Variants in NOX4 observed in about 807,000 individuals in gnomAD.
NOX4 encodes the protein NADPH oxidase 4, also known as kidney oxidase-1.
NOX4 carries 69 observed loss-of-function variants against 87.6 expected under a neutral mutation model. The observed-to-expected ratio is 0.79, with a 90% CI of 0.65 to 0.96. The LOEUF (loss-of-function observed/expected upper bound fraction) is 0.96, where lower values mean the gene tolerates loss of function less well. NOX4 is among the 40% of genes least tolerant of loss of function. The probability of loss-of-function intolerance (pLI) is 0.00; values close to 1 mark genes in which losing one functional copy is unlikely to be tolerated. For missense variants in NOX4, 680 were observed against 681.5 expected, an observed-to-expected ratio of 1.00 and a Z score of 0.02; for synonymous variants, 275 against 238.2, an observed-to-expected ratio of 1.15 and a Z score of -1.42.
the NOX4 span, among the ~76,000 whole-genome samples, chr11:89,540,429 AT>A: frequency 6.7e-6 from 1 of 150,014 alleles, no homozygotes; most frequent in Non-Finnish European, 1.5e-5. Flanking sequence ...TTCAAAAGCC[AT>A]TTTTTTTTCA....
chr11:89,404,318 T>C (rs1164753392), intron 8 of NOX4, among the ~76,000 whole-genome samples: 3 of 152,168 alleles, frequency 2.0e-5, no homozygotes, highest in Admixed American at 6.6e-5. Flanking sequence ...TTTATTCTAC[T>C]GGCCAAAAGT....
chr11:89,409,041 C>T (rs573216570), intron 8 of NOX4, among the ~76,000 whole-genome samples: 1 of 152,088 alleles, frequency 6.6e-6, no homozygotes, highest in East Asian at 1.9e-4. Flanking sequence ...AGAAATAGTA[C>T]CTGTTCCTCT....
At chr11:89,554,856 CA>C in the NOX4 span, among the ~76,000 whole-genome samples, 1 of 151,850 alleles carries the variant, frequency 6.6e-6, no homozygotes, top group Non-Finnish European at 1.5e-5. Context: ...ATCAAGTTAT[CA>C]ATTTACTGAA....
upstream of NOX4, among the ~76,000 whole-genome samples, chr11:89,496,245 T>G (rs1412309464): frequency 2.6e-5 from 4 of 152,166 alleles, no homozygotes; most frequent in African/African-American, 9.7e-5. Context: ...GGTTAGCTCC[T>G]TGAGAAATTC....
At chr11:89,538,185 G>A in the NOX4 span, among the ~76,000 whole-genome samples, 4 of 152,122 alleles carry the variant, frequency 2.6e-5, 1 homozygote, top group South Asian at 6.2e-4. Context: ...TCATCTATGT[G>A]CCAAACAACT....
intron 17 of NOX4, among the ~76,000 whole-genome samples, chr11:89,329,551 G>A (rs990370721): frequency 2.0e-5 from 3 of 150,796 alleles, no homozygotes; most frequent in Non-Finnish European, 4.4e-5. Flanking sequence ...CTAGGCAATT[G>A]ATAATAAAAT....
chr11:89,393,855 T>C (rs1941292546), intron 11 of NOX4, among the ~76,000 whole-genome samples: 1 of 152,170 alleles, frequency 6.6e-6, no homozygotes, highest in Non-Finnish European at 1.5e-5. Flanking sequence ...TCTAAAATCC[T>C]TGCCCTTTGT....
At chr11:89,460,378 T>G (rs1945398898) in intron 2 of NOX4, among the ~76,000 whole-genome samples, 1 of 152,086 alleles carries the variant, frequency 6.6e-6, no homozygotes, top group Admixed American at 6.6e-5. Context: ...ACAGGCAACC[T>G]ACGGAATGGG....
chr11:89,389,094 C>T (rs1390153754), intron 11 of NOX4, among the ~76,000 whole-genome samples: 2 of 152,178 alleles, frequency 1.3e-5, no homozygotes, highest in Non-Finnish European at 2.9e-5. Flanking sequence ...ACATAAGGTC[C>T]TATAATTTCC....
At chr11:89,581,962 T>TC in the NOX4 span, among the ~76,000 whole-genome samples, 14 of 152,162 alleles carry the variant, frequency 9.2e-5, no homozygotes, top group African/African-American at 3.4e-4. Context: ...ACAGTAGATA[T>TC]CCAAAACTTA....
intron 11 of NOX4, among the ~76,000 whole-genome samples, chr11:89,380,646 AC>A (rs1258953343): frequency 6.6e-6 from 1 of 152,182 alleles, no homozygotes; most frequent in African/African-American, 2.4e-5. Context: ...TAAAGTTCAT[AC>A]TTATCATGTA....
At chr11:89,480,532 C>T (rs1473940924) in intron 2 of NOX4, among the ~76,000 whole-genome samples, 2 of 152,088 alleles carry the variant, frequency 1.3e-5, no homozygotes, top group Admixed American at 6.6e-5. Flanking sequence ...TTTTATGAGG[C>T]TGTGAAGGAT....
chr11:89,324,512 C>T lies in NOX4; in HGVS notation c.*2244G>A, dbSNP rs1444811763. Reference sequence around the variant, plus strand: ...AAGATGACCTATGTTTAACATTTAACATTTGAACACCTACTGGAACTTAAA... The same window carrying T: ...AAGATGACCTATGTTTAACATTTAATATTTGAACACCTACTGGAACTTAAA... On this transcript the variant is annotated 3_prime_UTR_variant, in exon 18 of 18. Transcript: ENST00000263317. The T allele has an allele frequency of 6.6e-6, 1 of 152,120 alleles. No homozygotes were observed. Among genetic ancestry groups the T allele is most frequent in the Non-Finnish European group, 1.5e-5 (1 of 68,010 alleles). 9.4% of individuals were successfully genotyped at this position (152,120 alleles called of 1,614,324 possible).
At chr11:89,344,340 G>T (rs192819519) in intron 13 of NOX4, among the ~76,000 whole-genome samples, 4 of 152,106 alleles carry the variant, frequency 2.6e-5, no homozygotes, top group Non-Finnish European at 5.9e-5. Flanking sequence ...GCAGGAGGAT[G>T]GCTTAGGGCC....
chr11:89,474,679 A>C (rs1946091928), intron 2 of NOX4, among the ~76,000 whole-genome samples: 2 of 152,048 alleles, frequency 1.3e-5, no homozygotes, highest in African/African-American at 4.8e-5. Flanking sequence ...TGATATATAG[A>C]CATAAACATA....
chr11:89,437,149 T>C (rs183608448), intron 6 of NOX4, among the ~76,000 whole-genome samples: 1 of 151,728 alleles, frequency 6.6e-6, no homozygotes. Context: ...GATCATGAGG[T>C]CAAGAGTTCA....
chr11:89,540,759 G>C, the NOX4 span, among the ~76,000 whole-genome samples: 1 of 124,200 alleles, frequency 8.1e-6, no homozygotes, highest in Non-Finnish European at 1.6e-5. Context: ...CTGCACTCCA[G>C]CCTGGGCGAC....
chr11:89,530,234 A>C, the NOX4 span, among the ~76,000 whole-genome samples: 1 of 150,110 alleles, frequency 6.7e-6, no homozygotes, highest in East Asian at 1.9e-4. Flanking sequence ...AACATACTAG[A>C]TGTCTTCAGA....
chr11:89,517,315 T>C, the NOX4 span, among the ~76,000 whole-genome samples: 1 of 152,194 alleles, frequency 6.6e-6, no homozygotes, highest in East Asian at 1.9e-4. Flanking sequence ...AGTTTTTAAG[T>C]TCATCAAGTT....
Sources: allele counts gnomAD v4.1 joint callset (sites outside exome capture counted in the v4.1 genomes callset), GRCh38; gene constraint gnomAD v4.1.1; transcripts MANE v1.5; gene names NCBI Gene and HGNC (gene_info 2026-07-23, HGNC 2026-07-21).